MAP4K3: variants seen among roughly 807,000 people sequenced by gnomAD.
MAP4K3 encodes mitogen-activated protein kinase kinase kinase kinase 3.
In MAP4K3, 94 loss-of-function variants were observed where a neutral mutation model predicts 143.5. That is an observed-to-expected ratio of 0.65 (90% CI 0.55 to 0.78). MAP4K3 has a LOEUF of 0.78. MAP4K3 is among the 30% of genes least tolerant of loss of function. The pLI, the probability that MAP4K3 is intolerant of heterozygous loss-of-function variation, is 0.00. For missense variants in MAP4K3, 1,077 were observed against 1,068.1 expected (o/e 1.01, Z -0.12); for synonymous variants, 416 against 347.2 (o/e 1.20, Z -2.20).
chr2:39,401,732 T>C (rs757813390), intron 1 of MAP4K3, among the ~76,000 whole-genome samples: 1 of 151,998 alleles, frequency 6.6e-6, no homozygotes, highest in African/African-American at 2.4e-5. Context: ...GCAGGAGAGG[T>C]TGAGGCTACA....
intron 1 of MAP4K3, among the ~76,000 whole-genome samples, chr2:39,417,159 C>T (rs1278827447): frequency 6.6e-6 from 1 of 151,628 alleles, no homozygotes; most frequent in East Asian, 1.9e-4. Context: ...TACAGATATA[C>T]TGAGATTGAG....
intron 1 of MAP4K3, among the ~76,000 whole-genome samples, chr2:39,407,428 C>T (rs1667126940): frequency 6.6e-6 from 1 of 152,006 alleles, no homozygotes; most frequent in African/African-American, 2.4e-5. Context: ...AGTGGTTTGG[C>T]TTAAAAACGT....
At chr2:39,265,414 A>G in intron 27 of MAP4K3, 108 bp from the exon 28 acceptor site, 1 of 782,882 alleles carries the variant, frequency 1.3e-6, no homozygotes, top group South Asian at 1.5e-5. Context: ...ACATAAAACA[A>G]AATCAAAAGC....
chr2:39,260,386 G>A (rs1680518823), intron 29 of MAP4K3, among the ~76,000 whole-genome samples: 1 of 152,116 alleles, frequency 6.6e-6, no homozygotes, highest in Non-Finnish European at 1.5e-5. Context: ...AAAGTACTGG[G>A]ATTACTGGCG....
chr2:39,356,053 C>T, intron 3 of MAP4K3, 196 bp downstream of exon 3: 1 of 460,374 alleles, frequency 2.2e-6, no homozygotes, highest in South Asian at 3.6e-5. Context: ...ATCTAGAATT[C>T]CCAAGTCATA....
intron 16 of MAP4K3, among the ~76,000 whole-genome samples, chr2:39,295,534 T>C (rs1682236174): frequency 6.6e-6 from 1 of 152,086 alleles, no homozygotes. Flanking sequence ...ACATAATGTA[T>C]CTGAACTGTA....
intron 3 of MAP4K3, among the ~76,000 whole-genome samples, chr2:39,350,139 G>A (rs1184966175): frequency 6.6e-6 from 1 of 152,168 alleles, no homozygotes; most frequent in African/African-American, 2.4e-5. Flanking sequence ...CAACAAAAAA[G>A]TATCTGGCCT....
intron 1 of MAP4K3, among the ~76,000 whole-genome samples, chr2:39,393,346 C>A (rs1221336459): frequency 6.6e-6 from 1 of 152,148 alleles, no homozygotes; most frequent in South Asian, 2.1e-4. Flanking sequence ...CCAATAAAAT[C>A]TATCTCCTTA....
At chr2:39,282,372 C>A in intron 22 of MAP4K3, 141 bp downstream of exon 22, 1 of 695,780 alleles carries the variant, frequency 1.4e-6, no homozygotes, top group East Asian at 2.8e-5. Flanking sequence ...GTGACACATG[C>A]CTGTAATTAA....
chr2:39,326,895 A>G (rs1346143161), intron 8 of MAP4K3, among the ~76,000 whole-genome samples: 1 of 152,014 alleles, frequency 6.6e-6, no homozygotes, highest in East Asian at 1.9e-4. Flanking sequence ...TTACTCCATG[A>G]TTGTAAGTTT....
chr2:39,389,459 C>G (rs1666594889), intron 1 of MAP4K3, among the ~76,000 whole-genome samples: 1 of 151,890 alleles, frequency 6.6e-6, no homozygotes, highest in African/African-American at 2.4e-5. Flanking sequence ...TCAAGGAGAG[C>G]AAATAAACAA....
At chr2:39,395,357 A>G (rs938665435) in intron 1 of MAP4K3, among the ~76,000 whole-genome samples, 2 of 132,808 alleles carry the variant, frequency 1.5e-5, no homozygotes, top group Admixed American at 7.6e-5. Context: ...ACACACACAC[A>G]CATTTTTAAA....
chr2:39,368,738 T>G (rs1665994588), intron 2 of MAP4K3, among the ~76,000 whole-genome samples: 1 of 152,040 alleles, frequency 6.6e-6, no homozygotes, highest in Non-Finnish European at 1.5e-5. Flanking sequence ...ATTTTGGACG[T>G]TTTTAATTTC....
intron 2 of MAP4K3, among the ~76,000 whole-genome samples, chr2:39,365,832 TG>T (rs1278725868): frequency 1.3e-5 from 2 of 152,338 alleles, no homozygotes; most frequent in African/African-American, 4.8e-5. Context: ...GCCATTGTTA[TG>T]GGTATTTCAC....
chr2:39,306,626 CT>C (rs200022793), intron 15 of MAP4K3, among the ~76,000 whole-genome samples: 65 of 152,184 alleles, frequency 4.3e-4, no homozygotes, highest in African/African-American at 1.5e-3. Context: ...TTTAAATCTA[CT>C]TTTTTTTAAA....
At chr2:39,398,639 T>C (rs897737993) in intron 1 of MAP4K3, among the ~76,000 whole-genome samples, 3 of 150,860 alleles carry the variant, frequency 2.0e-5, no homozygotes, top group South Asian at 2.1e-4. Context: ...ATTGGTGGCA[T>C]GGTTAATATT....
intron 1 of MAP4K3, among the ~76,000 whole-genome samples, chr2:39,402,807 A>AAAAG (rs1175484884): frequency 6.6e-6 from 1 of 151,984 alleles, no homozygotes; most frequent in Admixed American, 6.5e-5. Flanking sequence ...CCAAAAAGAA[A>AAAAG]AAAGAAAGAA....
chr2:39,431,292 A>C (rs1172429913), intron 1 of MAP4K3, among the ~76,000 whole-genome samples: 1 of 152,236 alleles, frequency 6.6e-6, no homozygotes, highest in Non-Finnish European at 1.5e-5. Context: ...GGGAGTCATC[A>C]GAAAGCATTT....
In MAP4K3 at chr2:39,268,526, G is replaced by A. The variant is rs556762089; in HGVS notation, c.1974-1279C>T. ...AGTAGAGACGGGGTTGTGCCACTTT[G>A]CCCAAGCTGGTCTCGGACTCCTGAG... On this transcript the variant is annotated intron_variant, in intron 26 of 33. Transcript: ENST00000263881. 2.0e-5 allele frequency among the ~76,000 whole-genome samples: 3 copies of A among 151,646 alleles called. No individual in the cohort carries two copies. In the East Asian group the frequency reaches 5.8e-4, roughly 29 times the overall value.
Sources: gnomAD v4.1 joint callset for allele counts (sites outside exome capture counted in the v4.1 genomes callset) on GRCh38, gnomAD v4.1.1 for gene constraint, MANE v1.5 for transcripts, NCBI Gene and HGNC (gene_info 2026-07-23, HGNC 2026-07-21) for gene names.